KRR1: variants seen among roughly 807,000 people sequenced by gnomAD.
The protein encoded by KRR1 is KRR1 small subunit processome component homolog.
Under a neutral mutation model 50.0 loss-of-function variants are expected in KRR1, and 23 were observed. That is an observed-to-expected ratio of 0.46 (90% CI 0.33 to 0.65). KRR1 has a LOEUF of 0.65. Among genes scored for constraint, KRR1 ranks in the 30% least tolerant of loss-of-function variants. The pLI, the probability that KRR1 is intolerant of heterozygous loss-of-function variation, is 0.02. For missense variants in KRR1, 419 were observed against 442.4 expected, an observed-to-expected ratio of 0.95 and a Z score of 0.47; for synonymous variants, 133 against 146.3, an observed-to-expected ratio of 0.91 and a Z score of 0.66.
intron 7 of KRR1, 151 bp from the exon 8 acceptor site, chr12:75,502,151 G>A (rs1295534500): frequency 3.1e-6 from 2 of 639,728 alleles, no homozygotes; most frequent in Non-Finnish European, 5.5e-6. Flanking sequence ...CAGAGTCTAA[G>A]CTGAGGGGAA....
At chr12:75,508,983 C>G (rs1293017707) in intron 1 of KRR1, among the ~76,000 whole-genome samples, 1 of 152,122 alleles carries the variant, frequency 6.6e-6, no homozygotes, top group Non-Finnish European at 1.5e-5. Context: ...TATTTCCATA[C>G]GCCTTTCATC....
intron 1 of KRR1, among the ~76,000 whole-genome samples, chr12:75,509,338 G>A (rs541549895): frequency 6.6e-6 from 1 of 152,074 alleles, no homozygotes; most frequent in Non-Finnish European, 1.5e-5. Flanking sequence ...TCTCTTCGAC[G>A]AGGGACAAGA....
intron 9 of KRR1, chr12:75,501,469 C>CAACA: frequency 2.7e-6 from 1 of 373,490 alleles, no homozygotes; most frequent in Non-Finnish European, 4.8e-6. Flanking sequence ...GTATCTTTCA[C>CAACA]AACAAAGAGT....
rs185902467 is a variant in KRR1, at chr12:75,510,427, C to T, written c.85+1086G>A. 1.6e-4 allele frequency among the ~76,000 whole-genome samples: 25 copies of T among 152,162 alleles called. No individual in the cohort carries two copies. In the East Asian group the frequency reaches 4.2e-3, roughly 26 times the overall value. ...AAAAATAAATTGGGGTATATTCATA[C>T]AAGGAAACACCACATAACAGTGAAA... On this transcript the variant is annotated intron_variant, in intron 1 of 9. Transcript: ENST00000229214.
At chr12:75,499,977 T>TA in intron 9 of KRR1, 26 bp from the exon 10 acceptor site, 1 of 1,559,842 alleles carries the variant, frequency 6.4e-7, no homozygotes, top group South Asian at 1.2e-5. Flanking sequence ...GCACAACACA[T>TA]GTAATACTTT....
chr12:75,502,003 G>A lies in KRR1; in HGVS notation c.832-3C>T. On this transcript the variant is annotated splice_region_variant and splice_polypyrimidine_tract_variant and intron_variant, in intron 7 of 9. Transcript: ENST00000229214. ...CCACTAGCCAATTCTTTATCGATCT[G>A]TTGAAAACGGTATTTACAATTACAT... is the stretch of plus-strand genomic sequence containing the variant. 1 of 1,607,714 alleles carries A rather than the reference G, an allele frequency of 6.2e-7. No homozygotes were observed. Among genetic ancestry groups the A allele is most frequent in the Non-Finnish European group, 8.5e-7 (1 of 1,176,002 alleles).
chr12:75,501,554 C>G (rs2046394159), intron 9 of KRR1, 169 bp downstream of exon 9: 2 of 583,266 alleles, frequency 3.4e-6, no homozygotes, highest in Non-Finnish European at 6.0e-6. Context: ...TTAGCTGCCT[C>G]TAAATTATAA....
intron 2 of KRR1, among the ~76,000 whole-genome samples, chr12:75,507,554 CAAA>C (rs371486142): frequency 6.7e-6 from 1 of 148,476 alleles, no homozygotes. Flanking sequence ...TATGAGTTTA[CAAA>C]AAAAAAATGA....
chr12:75,498,647 G>GTGTC lies in KRR1; in HGVS notation c.*1158_*1161dup, dbSNP rs757944016. On this transcript the variant is annotated 3_prime_UTR_variant, in exon 10 of 10. Transcript: ENST00000229214. Reference sequence around the variant, plus strand: ...GCTTTTTAAAATAAAACTCTCAACTGTGTCTACCCTTTTAATTTTTTTTCT... The same window carrying GTGTC: ...GCTTTTTAAAATAAAACTCTCAACTGTGTCTGTCTACCCTTTTAATTTTTTTTCT... The GTGTC allele has an allele frequency of 4.7e-6, 7 of 1,498,158 alleles. No individual in the cohort carries two copies. The highest frequency in any genetic ancestry group is 4.1e-5 in the African/African-American group (3 of 72,668). The allele number at this position is 1,498,158 out of a possible 1,614,324, so 92.8% of individuals were successfully genotyped here.
chr12:75,501,976 C>T lies in KRR1; in HGVS notation c.856G>A (p.Glu286Lys). 1 of 1,612,008 alleles carries T rather than the reference C, an allele frequency of 6.2e-7. No individual in the cohort carries two copies. The highest frequency in any genetic ancestry group is 1.1e-5 in the South Asian group (1 of 91,006). The change falls in exon 8 of 10, where the codon GAA becomes AAA. Residue 286 changes from glutamate (E) to lysine (K), a missense_variant. Physicochemically the swap from Glu to Lys is moderately conservative, Grantham distance 56. Transcript: ENST00000229214. The stretch of plus-strand genomic sequence containing the variant: ...TTCTGATTTGCCTTCAAAAAGTATT[C>T]ACCACTAGCCAATTCTTTATCGATC... ...SQIDKELASG[E>K]YFLKANQKKR...
At chr12:75,510,662 G>C (rs2046443606) in intron 1 of KRR1, among the ~76,000 whole-genome samples, 1 of 152,178 alleles carries the variant, frequency 6.6e-6, no homozygotes, top group Non-Finnish European at 1.5e-5. Context: ...AATATGATCT[G>C]AGAGGTGCAC....
intron 1 of KRR1, among the ~76,000 whole-genome samples, chr12:75,509,614 G>C (rs1423033819): frequency 6.7e-6 from 1 of 148,796 alleles, no homozygotes; most frequent in East Asian, 2.0e-4. Flanking sequence ...TTAAAGACAG[G>C]GCCTCGCTCT....
chr12:75,496,013 T>C lies in KRR1; in HGVS notation c.*3796A>G, dbSNP rs564636869. Reference sequence around the variant, plus strand: ...TCTGTTTTCGTTTTTTTTTTTGTTTTTTTTTTTTGAGACAGAGTCTTGCTC... The same window carrying C: ...TCTGTTTTCGTTTTTTTTTTTGTTTCTTTTTTTTGAGACAGAGTCTTGCTC... On this transcript the variant is annotated 3_prime_UTR_variant, in exon 10 of 10. Transcript: ENST00000229214. 187 of 167,438 alleles carry C rather than the reference T, an allele frequency of 1.1e-3. No individual in the cohort carries two copies. The highest frequency in any genetic ancestry group is 1.5e-3 in the Non-Finnish European group (122 of 78,856). 10.4% of individuals were successfully genotyped at this position (167,438 alleles called of 1,614,324 possible).
In KRR1 at chr12:75,508,383, T is replaced by C. The variant is rs1042725976; in HGVS notation, c.149A>G (p.Asn50Ser). Reference protein sequence around the residue: ...WKEPAFSKEDNPRGLLEESSF... With the variant: ...WKEPAFSKEDSPRGLLEESSF... Reference sequence around the variant, plus strand: ...GCTCTCCTCCAAAAGTCCTCTGGGATTGTCCTCTTTGGAAAAAGCTGGTTC... The same window carrying C: ...GCTCTCCTCCAAAAGTCCTCTGGGACTGTCCTCTTTGGAAAAAGCTGGTTC... The change falls in exon 2 of 10, where the codon AAT becomes AGT. Residue 50 changes from asparagine to serine, a missense_variant. Physicochemically the swap from Asn to Ser is conservative, Grantham distance 46. Transcript: ENST00000229214. The C allele has an allele frequency of 6.2e-7, 1 of 1,613,368 alleles. No homozygotes were observed. The highest frequency in any genetic ancestry group is 8.5e-7 in the Non-Finnish European group (1 of 1,179,636).
rs903679463 is a variant in KRR1, at chr12:75,499,590, C to T, written c.*219G>A. ...GGATTTAATGGATAATCACAATGGT[C>T]GTAATGTATACAAAGACTTATATAC... is the stretch of plus-strand genomic sequence containing the variant. On this transcript the variant is annotated 3_prime_UTR_variant, in exon 10 of 10. Transcript: ENST00000229214. The T allele has an allele frequency of 3.7e-5, 10 of 272,646 alleles. No homozygotes were observed. The highest frequency in any genetic ancestry group is 2.3e-4 in the African/African-American group (10 of 43,432). The allele number at this position is 272,646 out of a possible 1,614,324, so 16.9% of individuals were successfully genotyped here. A position where few individuals can be genotyped will look rare whatever the true frequency, so the allele number is the denominator to read the frequency against.
At position 75,498,134 on chromosome 12, in the gene KRR1, A is replaced by G. The variant is rs935033309; in HGVS notation, c.*1675T>C. On this transcript the variant is annotated 3_prime_UTR_variant, in exon 10 of 10. Coordinates refer to ENST00000229214, the MANE Select transcript of KRR1 (RefSeq NM_007043.7). ...TATTTTATAAAAGAAAGTATCCAGA[A>G]GGCTAAAGGCAGTTGTGGAATTTAT... The G allele has an allele frequency of 6.6e-6, 1 of 152,522 alleles. No homozygotes were observed. The highest frequency in any genetic ancestry group is 1.9e-4 in the East Asian group (1 of 5,212). The allele number at this position is 152,522 out of a possible 1,614,324, so 9.4% of individuals were successfully genotyped here. A position where few individuals can be genotyped will look rare whatever the true frequency, so the allele number is the denominator to read the frequency against.
chr12:75,504,713 C>T (rs1351061070), intron 6 of KRR1, among the ~76,000 whole-genome samples: 3 of 151,990 alleles, frequency 2.0e-5, no homozygotes, highest in Admixed American at 6.6e-5. Flanking sequence ...GTTACATTTC[C>T]AAGAATAATC....
chr12:75,499,026 G>T lies in KRR1; in HGVS notation c.*783C>A. Reference sequence around the variant, plus strand: ...CCAAAAACCAACCTCATTCACATATGGCTTTTTTTTTAACCAATAACAATT... The same window carrying T: ...CCAAAAACCAACCTCATTCACATATTGCTTTTTTTTTAACCAATAACAATT... On this transcript the variant is annotated 3_prime_UTR_variant, in exon 10 of 10. Coordinates refer to ENST00000229214, the MANE Select transcript of KRR1 (RefSeq NM_007043.7). 5.3e-6 allele frequency: 7 copies of T among 1,331,400 alleles called. No individual in the cohort carries two copies. Among genetic ancestry groups the T allele is most frequent in the African/African-American group, 1.5e-5 (1 of 66,712 alleles). 82.5% of individuals were successfully genotyped at this position (1,331,400 alleles called of 1,614,324 possible).
At position 75,499,711 on chromosome 12, in the gene KRR1, A is replaced by T; in HGVS notation, c.*98T>A. 9.6e-6 allele frequency: 7 copies of T among 725,838 alleles called. No individual in the cohort carries two copies. The highest frequency in any genetic ancestry group is 2.9e-5 in the East Asian group (1 of 34,476). The allele number at this position is 725,838 out of a possible 1,614,324, so 45.0% of individuals were successfully genotyped here. ...AACCACCACCACCAAAAAAAAAAAA[A>T]GCCCTCAGAAAATTTCTCACAAATA... On this transcript the variant is annotated 3_prime_UTR_variant, in exon 10 of 10. Coordinates refer to ENST00000229214, the MANE Select transcript of KRR1 (RefSeq NM_007043.7).
Sources: allele counts gnomAD v4.1 joint callset (sites outside exome capture counted in the v4.1 genomes callset), GRCh38; gene constraint gnomAD v4.1.1; transcripts MANE v1.5; gene names NCBI Gene and HGNC (gene_info 2026-07-23, HGNC 2026-07-21).